The following SDS variants were observed in gnomAD, a reference collection of about 807,000 sequenced individuals.
SDS encodes L-serine dehydratase/L-threonine deaminase.
SDS carries 19 observed loss-of-function variants against 29.3 expected under a neutral mutation model. The ratio of observed to expected loss-of-function variants is 0.65; its 90% CI spans 0.45 to 0.95. The LOEUF (loss-of-function observed/expected upper bound fraction) is 0.95. SDS is among the 40% of genes least tolerant of loss of function. The probability of loss-of-function intolerance (pLI) is 0.00; values close to 1 mark genes in which losing one functional copy is unlikely to be tolerated. For synonymous variants in SDS, 176 were observed against 189.0 expected (o/e 0.93, Z 0.56); for missense variants, 375 against 439.9 (o/e 0.85, Z 1.32).
chr12:113,393,109 G>T lies in SDS; in HGVS notation c.819C>A (p.Ala273=). Reference sequence around the variant, plus strand: ...TCACGTGGCTATAGACAGCGGCCAGGGCTGCCCCGCAGGCGGGCTCCACCA... The same window carrying T: ...TCACGTGGCTATAGACAGCGGCCAGTGCTGCCCCGCAGGCGGGCTCCACCA... ...KILVEPACGA[A]LAAVYSHVIQ... The change falls in exon 8 of 8, where the codon GCC becomes GCA. Residue 273 remains alanine, a synonymous_variant. Transcript: ENST00000257549. 6.2e-7 allele frequency: 1 copy of T among 1,614,156 alleles called. No homozygotes were observed.
At position 113,397,715 on chromosome 12, in the gene SDS, T is replaced by G. The variant is rs527923653; in HGVS notation, c.426-323A>C. Among the ~76,000 whole-genome samples the G allele has an allele frequency of 2.0e-5, 3 of 152,172 alleles. No homozygotes were observed. In the East Asian group the frequency reaches 5.8e-4, roughly 29 times the overall value. On this transcript the variant is annotated intron_variant, in intron 5 of 7. Transcript: ENST00000257549. ...GCGCCTTCTGCACTGGCTCCCAGGG[T>G]CCCCGAGGGATTAAGCTCTAGCCAC...
At chr12:113,399,510 G>T in intron 2 of SDS, 46 bp downstream of exon 2, 1 of 1,492,628 alleles carries the variant, frequency 6.7e-7, no homozygotes. Context: ...GTTGAGGAAG[G>T]AGGACCTGCC....
At chr12:113,394,532 G>A (rs1317248022) in intron 6 of SDS, among the ~76,000 whole-genome samples, 1 of 151,882 alleles carries the variant, frequency 6.6e-6, no homozygotes, top group Admixed American at 6.6e-5. Context: ...TAGAGATGGG[G>A]TTTCACTATG....
In SDS at chr12:113,392,612, C is replaced by G; in HGVS notation, c.*329G>C. ...AACAAGTTCAGGGGCGAGGTCACAG[C>G]TTTGAGGAATTCCTCACTGCTGTGA... is the stretch of plus-strand genomic sequence containing the variant. On this transcript the variant is annotated 3_prime_UTR_variant, in exon 8 of 8. Coordinates refer to ENST00000257549, the MANE Select transcript of SDS (RefSeq NM_006843.3). The G allele has an allele frequency of 3.1e-6, 1 of 325,768 alleles. No individual in the cohort carries two copies. Among genetic ancestry groups the G allele is most frequent in the South Asian group, 3.2e-5 (1 of 31,388 alleles). The allele number at this position is 325,768 out of a possible 1,614,324, so 20.2% of individuals were successfully genotyped here.
At position 113,393,111 on chromosome 12, in the gene SDS, C is replaced by T; in HGVS notation, c.817G>A (p.Ala273Thr). 6 of 1,614,166 alleles carry T rather than the reference C, an allele frequency of 3.7e-6. No homozygotes were observed. The highest frequency in any genetic ancestry group is 4.2e-6 in the Non-Finnish European group (5 of 1,180,042). ...ACGTGGCTATAGACAGCGGCCAGGG[C>T]TGCCCCGCAGGCGGGCTCCACCAGG... ...KILVEPACGA[A>T]LAAVYSHVIQ... Residue 273 changes from alanine (A) to threonine (T), a missense_variant, in exon 8 of 8, where the codon GCC (alanine) becomes ACC (threonine). Physicochemically the swap from Ala to Thr is moderately conservative, Grantham distance 58. Transcript: ENST00000257549.
At chr12:113,399,769 C>A in intron 1 of SDS, 59 bp from the exon 2 acceptor site, 2 of 1,396,176 alleles carry the variant, frequency 1.4e-6, no homozygotes, top group South Asian at 1.5e-5. Flanking sequence ...GCCAGCACTG[C>A]CAGAGTGATC....
Position 113,398,527 on chromosome 12 carries a change from T to G in SDS, c.413A>C (p.Asp138Ala). Residue 138 changes from aspartate (D) to alanine (A), a missense_variant, in exon 5 of 8, where the codon GAC (aspartate) becomes GCC (alanine). Coordinates refer to ENST00000257549, the MANE Select transcript of SDS (RefSeq NM_006843.3). ...GAACTCCACATACCAGATGAGGGGG[T>G]CATCAAAGGGGGGAATGTAGACCCA... ...PGWVYIPPFD[D>A]PLIWEGHASI... The G allele has an allele frequency of 1.3e-6, 2 of 1,587,802 alleles. No individual in the cohort carries two copies. Among genetic ancestry groups the G allele is most frequent in the South Asian group, 1.1e-5 (1 of 88,120 alleles).
rs556575776 is a variant in SDS, at chr12:113,397,282, C to T, written c.536G>A (p.Gly179Glu). 12 of 1,614,202 alleles carry T rather than the reference C, an allele frequency of 7.4e-6. No homozygotes were observed. The South Asian group carries it at 9.9e-5, about 13-fold the overall frequency. The change falls in exon 6 of 8, where the codon GGG becomes GAG. Residue 179 changes from glycine (G) to glutamate (E), a missense_variant. Physicochemically the swap from Gly to Glu is moderately conservative, Grantham distance 98. Coordinates refer to ENST00000257549, the MANE Select transcript of SDS (RefSeq NM_006843.3). ...GGGLLCGVVQGLQEVGWGDVP... is the reference protein window; with the variant it reads ...GGGLLCGVVQELQEVGWGDVP... ...GTCCCCCCAGCCCACCTCCTGCAGC[C>T]CCTGGACCACTCCACACAGCAGGCC... is the stretch of plus-strand genomic sequence containing the variant.
At chr12:113,400,397 G>A (rs191957068) in intron 1 of SDS, among the ~76,000 whole-genome samples, 2 of 151,788 alleles carry the variant, frequency 1.3e-5, no homozygotes, top group East Asian at 1.9e-4. Flanking sequence ...CACTTGAACC[G>A]AGGAGGTGGA....
intron 5 of SDS, among the ~76,000 whole-genome samples, chr12:113,397,677 G>A (rs547133142): frequency 2.5e-4 from 38 of 152,282 alleles, no homozygotes; most frequent in African/African-American, 8.4e-4. Flanking sequence ...CCCAGGGGGC[G>A]GGAAACTGCT....
Position 113,398,701 on chromosome 12 carries a change from A to ACTCAC in SDS, c.333+1_333+5dup. 1 of 1,613,654 alleles carries ACTCAC rather than the reference A, an allele frequency of 6.2e-7. No individual in the cohort carries two copies. The highest frequency in any genetic ancestry group is 1.3e-5 in the African/African-American group (1 of 74,924). On this transcript the variant is annotated splice_donor_region_variant and intron_variant, in intron 4 of 7. Transcript: ENST00000257549. ...TCTCTCTTCCTTGCCCTGGGTCGGC[A>ACTCAC]CTCACCTCACCCACCACCTTGACTG...
chr12:113,396,347 T>G (rs578133777), intron 6 of SDS, among the ~76,000 whole-genome samples: 4 of 149,886 alleles, frequency 2.7e-5, no homozygotes, highest in South Asian at 4.4e-4. Flanking sequence ...CCTTTTTCCT[T>G]TCCTTTCCTT....
At chr12:113,395,666 C>G (rs1957639585) in intron 6 of SDS, among the ~76,000 whole-genome samples, 1 of 152,174 alleles carries the variant, frequency 6.6e-6, no homozygotes, top group Admixed American at 6.5e-5. Context: ...CTCAGGCAAC[C>G]ATTTTGGACT....
chr12:113,401,366 T>C (rs148162227), intron 1 of SDS, among the ~76,000 whole-genome samples: 2,516 of 151,732 alleles, frequency 0.017, 74 homozygotes, highest in African/African-American at 0.056. Context: ...ATCACAGCTT[T>C]TAAATTTTAT....
In SDS at chr12:113,398,857, C is replaced by G; in HGVS notation, c.194-11G>C. On this transcript the variant is annotated splice_polypyrimidine_tract_variant and intron_variant, in intron 3 of 7. Coordinates refer to ENST00000257549, the MANE Select transcript of SDS (RefSeq NM_006843.3). ...TGCCTGCGTTGCCCGCTGCCAGGGT[C>G]GGGGGTGGAGAGCGTGTCAGTGCGG... 1 of 1,593,718 alleles carries G rather than the reference C, an allele frequency of 6.3e-7. No homozygotes were observed. The highest frequency in any genetic ancestry group is 8.5e-7 in the Non-Finnish European group (1 of 1,170,524).
chr12:113,395,127 A>AC (rs1190969023), intron 6 of SDS, among the ~76,000 whole-genome samples: 14 of 152,204 alleles, frequency 9.2e-5, no homozygotes, highest in African/African-American at 3.1e-4. Flanking sequence ...GGAGTGCTGG[A>AC]GCTGGGGCTG....
At chr12:113,394,788 C>T (rs1230280460) in intron 6 of SDS, among the ~76,000 whole-genome samples, 2 of 152,088 alleles carry the variant, frequency 1.3e-5, no homozygotes, top group Non-Finnish European at 2.9e-5. Flanking sequence ...GGGTTACAAC[C>T]GCTACCTGGT....
At chr12:113,397,645 T>G (rs969404543) in intron 5 of SDS, among the ~76,000 whole-genome samples, 2 of 152,140 alleles carry the variant, frequency 1.3e-5, no homozygotes, top group African/African-American at 4.8e-5. Flanking sequence ...CGAGTCGGTG[T>G]ACAAACTCCC....
At chr12:113,397,110 AG>A in intron 6 of SDS, 54 bp downstream of exon 6, 1 of 1,480,854 alleles carries the variant, frequency 6.8e-7, no homozygotes, top group Non-Finnish European at 9.4e-7. Flanking sequence ...GCCAGCCCTA[AG>A]GGGGACTCCC....
Sources: allele counts gnomAD v4.1 joint callset (sites outside exome capture counted in the v4.1 genomes callset), GRCh38; gene constraint gnomAD v4.1.1; transcripts MANE v1.5; gene names NCBI Gene and HGNC (gene_info 2026-07-23, HGNC 2026-07-21).